TLE1: variants seen among roughly 807,000 people sequenced by gnomAD.
TLE1 encodes the protein transducin-like enhancer protein 1.
Under a neutral mutation model 89.8 loss-of-function variants are expected in TLE1, and 21 were observed. That is an observed-to-expected ratio of 0.23 (90% CI 0.17 to 0.34). The LOEUF is 0.34. Ranked by LOEUF, TLE1 falls within the 10% of genes least tolerant of loss-of-function variation. TLE1 has a pLI of 1.00. For synonymous variants in TLE1, 447 were observed against 407.6 expected (o/e 1.10, Z -1.16); for missense variants, 795 against 1,031.2 (o/e 0.77, Z 3.14).
At chr9:81,661,907 G>A (rs1172992858) in intron 4 of TLE1, among the ~76,000 whole-genome samples, 2 of 152,166 alleles carry the variant, frequency 1.3e-5, no homozygotes, top group East Asian at 1.9e-4. Context: ...AGGGAAAGTG[G>A]AACAATCATA....
At chr9:81,603,940 T>G (rs905677644) in intron 14 of TLE1, among the ~76,000 whole-genome samples, 1 of 151,994 alleles carries the variant, frequency 6.6e-6, no homozygotes, top group African/African-American at 2.4e-5. Context: ...AGGTAGAAGT[T>G]GCAGTGAGCC....
chr9:81,609,171 G>C (rs982175036), intron 14 of TLE1, among the ~76,000 whole-genome samples: 1 of 150,244 alleles, frequency 6.7e-6, no homozygotes, highest in East Asian at 2.0e-4. Context: ...TGCAACCTCC[G>C]CCACCCAGGT....
At chr9:81,662,130 G>GT (rs1173199042) in intron 4 of TLE1, among the ~76,000 whole-genome samples, 7 of 152,184 alleles carry the variant, frequency 4.6e-5, no homozygotes, top group Non-Finnish European at 8.8e-5. Flanking sequence ...AGGTAAAGAT[G>GT]TAACAGCAAT....
At chr9:81,683,813 ATAG>A (rs1564084850) in intron 4 of TLE1, among the ~76,000 whole-genome samples, 2 of 152,184 alleles carry the variant, frequency 1.3e-5, no homozygotes, top group African/African-American at 4.8e-5. Flanking sequence ...CAGACAGTAT[ATAG>A]CCACAAATGC....
At chr9:81,677,685 T>C (rs1217767572) in intron 4 of TLE1, among the ~76,000 whole-genome samples, 10 of 152,128 alleles carry the variant, frequency 6.6e-5, no homozygotes, top group Non-Finnish European at 1.5e-5. Context: ...TCAGTCATGG[T>C]GCTAATACCA....
chr9:81,673,002 G>T (rs185136382), intron 4 of TLE1, among the ~76,000 whole-genome samples: 5 of 151,884 alleles, frequency 3.3e-5, no homozygotes, highest in African/African-American at 1.2e-4. Flanking sequence ...GCCGGACGCG[G>T]TGGCTCACGC....
At chr9:81,615,494 T>C (rs1587977457) in intron 11 of TLE1, among the ~76,000 whole-genome samples, 1 of 138,630 alleles carries the variant, frequency 7.2e-6, no homozygotes, top group Admixed American at 7.2e-5. Flanking sequence ...AGGTCAGGAG[T>C]TCAAGACCAG....
rs552427892 is a variant in TLE1, at chr9:81,592,154, C to T, written c.1581+871G>A. On this transcript the variant is annotated intron_variant, in intron 15 of 19. Transcript: ENST00000376499. ...CGGGCGGATCACAAGGTCAGGAGAT[C>T]GAGACCATTCTGGCTAACATGGTGA... 1.1e-4 allele frequency among the ~76,000 whole-genome samples: 17 copies of T among 152,276 alleles called. No individual in the cohort carries two copies. In the East Asian group the frequency reaches 2.5e-3, roughly 23 times the overall value.
At position 81,634,374 on chromosome 9, in the gene TLE1, G is replaced by T. The variant is rs895525122; in HGVS notation, c.373-73C>A. On this transcript the variant is annotated intron_variant, in intron 6 of 19. Transcript: ENST00000376499. ...AGTGGTGACAGTGATGGCGATGGAG[G>T]CGGCATCCAGGGGAAAACAGACATG... 9 of 1,267,910 alleles carry T rather than the reference G, an allele frequency of 7.1e-6. 1 individual carries two copies. The South Asian group carries it at 9.4e-5, about 13-fold the overall frequency. The allele number at this position is 1,267,910 out of a possible 1,614,324, so 78.5% of individuals were successfully genotyped here.
intron 11 of TLE1, among the ~76,000 whole-genome samples, chr9:81,615,608 G>C (rs994045400): frequency 3.3e-5 from 5 of 151,386 alleles, no homozygotes; most frequent in Admixed American, 3.3e-4. Flanking sequence ...AGCTACTCAG[G>C]GGGCAGAGGC....
At chr9:81,652,169 G>A in intron 6 of TLE1, 45 bp downstream of exon 6, 20 of 1,560,218 alleles carry the variant, frequency 1.3e-5, no homozygotes, top group Non-Finnish European at 1.7e-5. Flanking sequence ...AGAAATGAAA[G>A]CTGGTTATAC....
chr9:81,596,723 G>T (rs895500272), intron 14 of TLE1, among the ~76,000 whole-genome samples: 2 of 152,160 alleles, frequency 1.3e-5, no homozygotes, highest in Non-Finnish European at 2.9e-5. Flanking sequence ...TTCGAACACA[G>T]GCAAAATTCA....
intron 6 of TLE1, among the ~76,000 whole-genome samples, chr9:81,644,505 G>A (rs1023638178): frequency 6.6e-6 from 1 of 152,154 alleles, no homozygotes; most frequent in Non-Finnish European, 1.5e-5. Context: ...GAGATGTCCA[G>A]AATAGGCAAA....
At chr9:81,633,228 G>C (rs1826903455) in intron 8 of TLE1, 120 bp downstream of exon 8, 2 of 1,509,112 alleles carry the variant, frequency 1.3e-6, no homozygotes, top group Non-Finnish European at 1.8e-6. Flanking sequence ...CACTGAGAGA[G>C]ACAGGGAGAG....
chr9:81,620,987 C>T, intron 8 of TLE1: 1 of 437,914 alleles, frequency 2.3e-6, no homozygotes, highest in Non-Finnish European at 4.5e-6. Flanking sequence ...TCTAAAAAGG[C>T]ACAAAGGAAG....
intron 15 of TLE1, 45 bp from the exon 16 acceptor site, chr9:81,591,097 A>T: frequency 6.3e-7 from 1 of 1,588,340 alleles, no homozygotes; most frequent in South Asian, 1.1e-5. Flanking sequence ...TTACCGAGCA[A>T]TCATAGCACC....
intron 13 of TLE1, among the ~76,000 whole-genome samples, chr9:81,611,378 G>GA (rs954513556): frequency 1.1e-4 from 16 of 150,510 alleles, no homozygotes; most frequent in Non-Finnish European, 1.3e-4. Context: ...GGTTTAATGA[G>GA]AAAAAAAAAG....
At chr9:81,684,979 A>G (rs553932441) in intron 4 of TLE1, among the ~76,000 whole-genome samples, 16 of 152,308 alleles carry the variant, frequency 1.1e-4, no homozygotes, top group South Asian at 4.1e-4. Flanking sequence ...TATAGTAGCC[A>G]TAAGTGTGAA....
At position 81,652,404 on chromosome 9, in the gene TLE1, T is replaced by C. The variant is rs77252633; in HGVS notation, c.298-116A>G. 578 of 749,134 alleles carry C rather than the reference T, an allele frequency of 7.7e-4. 3 individuals carry two copies. In the African/African-American group the frequency reaches 8.7e-3, roughly 11 times the overall value. 46.4% of individuals were successfully genotyped at this position (749,134 alleles called of 1,614,324 possible). On this transcript the variant is annotated intron_variant, in intron 5 of 19. Transcript: ENST00000376499. The stretch of plus-strand genomic sequence containing the variant: ...GCAGGCTGAAGTAGAAGGGTTTAAA[T>C]GCAGAATTTCTCAACCACACTTTAT...
Sources: allele counts gnomAD v4.1 joint callset (sites outside exome capture counted in the v4.1 genomes callset), GRCh38; gene constraint gnomAD v4.1.1; transcripts MANE v1.5; gene names NCBI Gene and HGNC (gene_info 2026-07-23, HGNC 2026-07-21).